TNKS: variants seen among roughly 807,000 people sequenced by gnomAD.
The protein encoded by TNKS is tankyrase.
In TNKS, 72 loss-of-function variants were observed where a neutral mutation model predicts 135.8. The ratio of observed to expected loss-of-function variants is 0.53; its 90% CI spans 0.44 to 0.64. The LOEUF is 0.64. TNKS is among the 30% of genes least tolerant of loss of function. The probability of loss-of-function intolerance (pLI) is 0.00; values close to 1 mark genes in which losing one functional copy is unlikely to be tolerated. For missense variants in TNKS, 1,769 were observed against 1,674.0 expected, an observed-to-expected ratio of 1.06 and a Z score of -0.99; for synonymous variants, 849 against 649.3, an observed-to-expected ratio of 1.31 and a Z score of -4.68.
chr8:9,566,534 TTTCTGATC>T (rs1017776765), intron 1 of TNKS: 2 of 152,048 alleles, frequency 1.3e-5, no homozygotes, highest in Admixed American at 6.5e-5. Flanking sequence ...ACACTTCTGA[TTTCTGATC>T]TTCTGACATT....
Position 9,641,657 on chromosome 8 carries a change from T to TA in TNKS, c.994+25981dup, listed in dbSNP as rs1262874024. On this transcript the variant is annotated intron_variant, in intron 3 of 26. Coordinates refer to ENST00000310430, the MANE Select transcript of TNKS (RefSeq NM_003747.3). ...TTTTTCTGAGAATGTATTTTTTTTT[T>TA]ATGTGTGTGTGTTAGAGGAATAGAG... Among the ~76,000 whole-genome samples the TA allele has an allele frequency of 1.2e-4, 17 of 145,186 alleles. 1 individual carries two copies. The highest frequency in any genetic ancestry group is 2.4e-4 in the Non-Finnish European group (16 of 66,458).
Position 9,779,016 on chromosome 8 carries a change from C to G in TNKS, c.*2280C>G, listed in dbSNP as rs139421787. On this transcript the variant is annotated 3_prime_UTR_variant, in exon 27 of 27. Coordinates refer to ENST00000310430, the MANE Select transcript of TNKS (RefSeq NM_003747.3). ...CAGTATTTAAACTGCCAGTGTTATA[C>G]GTCTCATGCTCTGTGTGCCAGGTGA... 72 of 152,346 alleles carry G rather than the reference C, an allele frequency of 4.7e-4. No homozygotes were observed. Among genetic ancestry groups the G allele is most frequent in the African/African-American group, 1.6e-3 (68 of 41,560 alleles). The allele number at this position is 152,346 out of a possible 1,614,324, so 9.4% of individuals were successfully genotyped here.
rs538675433 is a variant in TNKS at position 9,556,061 on chromosome 8, C to T, written c.122C>T (p.Pro41Leu). Residue 41 changes from proline to leucine, a missense_variant, in exon 1 of 27, where the codon CCG becomes CTG. Transcript: ENST00000310430. The stretch of plus-strand genomic sequence containing the variant: ...CCCCCACTCAGCCCTGGCCTGGCCC[C>T]GGGGACCACCCCAGCCTCTCCCACG... ...PPPPLSPGLA[P>L]GTTPASPTAS... 2.0e-5 allele frequency: 32 copies of T among 1,608,420 alleles called. No homozygotes were observed. The South Asian group carries it at 3.0e-4, about 15-fold the overall frequency.
Position 9,708,487 on chromosome 8 carries a change from G to A in TNKS, c.1573G>A (p.Ala525Thr). 1.3e-6 allele frequency: 2 copies of A among 1,595,130 alleles called. No individual in the cohort carries two copies. The highest frequency in any genetic ancestry group is 2.3e-5 in the East Asian group (1 of 44,308). ...CAAACAACCGCAGTCTCATGAAACA[G>A]CACTGGTAAGATTTTATTGTTAATC... ...NFKQPQSHET[A>T]LHCAVASLHP... Residue 525 changes from alanine to threonine, a missense_variant, in exon 9 of 27, where the codon GCA becomes ACA. Physicochemically the swap from Ala to Thr is moderately conservative, Grantham distance 58. Coordinates refer to ENST00000310430, the MANE Select transcript of TNKS (RefSeq NM_003747.3).
chr8:9,682,210 T>C (rs1474562497), intron 5 of TNKS, among the ~76,000 whole-genome samples: 5 of 152,040 alleles, frequency 3.3e-5, no homozygotes, highest in African/African-American at 1.2e-4. Context: ...AATGCAGCTG[T>C]TTTTTAGACA....
In TNKS at chr8:9,683,859, A is replaced by G. The variant is rs190351493; in HGVS notation, c.1107+3059A>G. 1.1e-4 allele frequency among the ~76,000 whole-genome samples: 17 copies of G among 152,066 alleles called. No homozygotes were observed. The South Asian group carries it at 1.7e-3, about 15-fold the overall frequency. On this transcript the variant is annotated intron_variant, in intron 5 of 26. Coordinates refer to ENST00000310430, the MANE Select transcript of TNKS (RefSeq NM_003747.3). The stretch of plus-strand genomic sequence containing the variant: ...GAATTCTGAAAATTATAAAACATCA[A>G]TAAGGTTTTATACAGTTTATATTGT...
chr8:9,574,966 G>GT (rs1283092897), intron 1 of TNKS: 1 of 853,232 alleles, frequency 1.2e-6, no homozygotes, highest in African/African-American at 1.9e-5. Context: ...TAAGAAGCAA[G>GT]TGGAGATGCT....
intron 7 of TNKS, 109 bp from the exon 8 acceptor site, chr8:9,706,701 CT>C (rs1804064432): frequency 9.7e-7 from 1 of 1,031,204 alleles, no homozygotes; most frequent in Non-Finnish European, 1.4e-6. Context: ...AATTAAAACA[CT>C]TATTTGAACA....
Position 9,747,956 on chromosome 8 carries a change from G to C in TNKS, c.2644-68G>C, listed in dbSNP as rs1806319825. On this transcript the variant is annotated intron_variant, in intron 17 of 26. Coordinates refer to ENST00000310430, the MANE Select transcript of TNKS (RefSeq NM_003747.3). ...GGAGTGAATTGTTAAATAAAAACAG[G>C]TATACACAATGGTGCTTTACCAGAT... The C allele has an allele frequency of 5.0e-6, 7 of 1,409,280 alleles. No individual in the cohort carries two copies. The South Asian group carries it at 7.1e-5, about 14-fold the overall frequency. The allele number at this position is 1,409,280 out of a possible 1,614,324, so 87.3% of individuals were successfully genotyped here.
chr8:9,657,755 C>G (rs946598738), intron 3 of TNKS, among the ~76,000 whole-genome samples: 2 of 142,560 alleles, frequency 1.4e-5, no homozygotes, highest in Non-Finnish European at 3.1e-5. Context: ...ACCTCCCGGA[C>G]GGGGCGGCTG....
At chr8:9,776,521 C>T (rs990033073) in intron 26 of TNKS, 129 bp from the exon 27 acceptor site, 17 of 727,964 alleles carry the variant, frequency 2.3e-5, no homozygotes, top group African/African-American at 8.8e-5. Context: ...TGTTCAGGCA[C>T]CTATTAAGAA....
At chr8:9,664,862 G>C (rs73664772) in intron 3 of TNKS, among the ~76,000 whole-genome samples, 157 of 152,214 alleles carry the variant, frequency 1.0e-3, no homozygotes, top group African/African-American at 3.6e-3. Context: ...ACCCCATAAG[G>C]ATTCCGTACT....
chr8:9,766,786 A>C (rs935724407), intron 25 of TNKS, among the ~76,000 whole-genome samples: 5 of 152,090 alleles, frequency 3.3e-5, no homozygotes, highest in African/African-American at 9.7e-5. Context: ...GCCCAGCCCC[A>C]AATTGGTTTA....
chr8:9,632,366 G>T (rs765142417), intron 3 of TNKS, among the ~76,000 whole-genome samples: 1 of 152,052 alleles, frequency 6.6e-6, no homozygotes, highest in South Asian at 2.1e-4. Flanking sequence ...GTATACTCTC[G>T]CATAGATTCA....
intron 2 of TNKS, among the ~76,000 whole-genome samples, chr8:9,603,900 G>C (rs1799116423): frequency 6.6e-6 from 1 of 152,050 alleles, no homozygotes; most frequent in Non-Finnish European, 1.5e-5. Flanking sequence ...TATTTTCTTT[G>C]AATGGTAGAA....
intron 18 of TNKS, among the ~76,000 whole-genome samples, chr8:9,749,681 A>T (rs575257087): frequency 6.6e-6 from 1 of 151,972 alleles, no homozygotes; most frequent in East Asian, 1.9e-4. Flanking sequence ...GGGTCTTGCT[A>T]TGTTGCCCAG....
intron 11 of TNKS, among the ~76,000 whole-genome samples, chr8:9,716,416 G>C (rs1804601230): frequency 6.6e-6 from 1 of 152,256 alleles, no homozygotes; most frequent in Non-Finnish European, 1.5e-5. Flanking sequence ...AAAGGGGCAA[G>C]TGTCCCAGAG....
intron 14 of TNKS, 67 bp downstream of exon 14, chr8:9,731,102 G>A: frequency 7.0e-7 from 1 of 1,421,018 alleles, no homozygotes. Context: ...AAATATTTTT[G>A]AAGTCTTAGA....
At chr8:9,635,985 A>G (rs1271401301) in intron 3 of TNKS, among the ~76,000 whole-genome samples, 1 of 152,248 alleles carries the variant, frequency 6.6e-6, no homozygotes, top group Non-Finnish European at 1.5e-5. Context: ...GATGAAAAGT[A>G]TTGTACCAGT....
Sources: allele counts gnomAD v4.1 joint callset (sites outside exome capture counted in the v4.1 genomes callset), GRCh38; gene constraint gnomAD v4.1.1; transcripts MANE v1.5; gene names NCBI Gene and HGNC (gene_info 2026-07-23, HGNC 2026-07-21).